Variants in THSD4 observed in about 807,000 individuals in gnomAD.
THSD4 encodes thrombospondin type 1 domain containing 4, also known as thrombospondin type-1 domain-containing protein 4.
THSD4 carries 69 observed loss-of-function variants against 119.0 expected under a neutral mutation model. The ratio of observed to expected loss-of-function variants is 0.58; its 90% CI spans 0.48 to 0.71. The LOEUF (loss-of-function observed/expected upper bound fraction) is 0.71. Ranked by LOEUF, THSD4 falls within the 30% of genes least tolerant of loss-of-function variation. THSD4 has a pLI of 0.00. For missense variants in THSD4, 1,393 were observed against 1,391.1 expected, an observed-to-expected ratio of 1.00 and a Z score of -0.02; for synonymous variants, 524 against 540.4, an observed-to-expected ratio of 0.97 and a Z score of 0.42.
chr15:71,526,209 T>A (rs2048516314), intron 7 of THSD4, among the ~76,000 whole-genome samples: 1 of 152,192 alleles, frequency 6.6e-6, no homozygotes. Flanking sequence ...AATCTCAGTT[T>A]ATGGACTTTA....
At chr15:71,458,121 T>C (rs1430324563) in intron 7 of THSD4, among the ~76,000 whole-genome samples, 1 of 152,266 alleles carries the variant, frequency 6.6e-6, no homozygotes, top group South Asian at 2.1e-4. Flanking sequence ...TATATGTATA[T>C]GCATTGGTTT....
chr15:71,724,287 A>ATATATATATATATATATATTTTTT, intron 8 of THSD4, among the ~76,000 whole-genome samples: 8 of 37,290 alleles, frequency 2.1e-4, no homozygotes, highest in Admixed American at 1.2e-3. Context: ...ATATATATAT[A>ATATATATATATATATATATTTTTT]TTTTTTTTTT....
intron 7 of THSD4, among the ~76,000 whole-genome samples, chr15:71,507,994 A>G (rs1416610315): frequency 6.6e-6 from 1 of 152,238 alleles, no homozygotes; most frequent in Non-Finnish European, 1.5e-5. Flanking sequence ...AAAAAGTACA[A>G]TGATGCAGTA....
intron 7 of THSD4, among the ~76,000 whole-genome samples, chr15:71,635,405 A>G (rs982069336): frequency 3.9e-5 from 6 of 152,120 alleles, no homozygotes; most frequent in African/African-American, 1.4e-4. Context: ...TATTTGAGGC[A>G]CCCTGGAAAA....
intron 8 of THSD4, among the ~76,000 whole-genome samples, chr15:71,728,316 C>G: frequency 6.6e-6 from 1 of 152,154 alleles, no homozygotes; most frequent in East Asian, 1.9e-4. Context: ...CCCTACATTT[C>G]TATACTAAGT....
At chr15:71,230,219 T>G (rs2044049274) in intron 4 of THSD4, among the ~76,000 whole-genome samples, 1 of 152,152 alleles carries the variant, frequency 6.6e-6, no homozygotes, top group Non-Finnish European at 1.5e-5. Context: ...TGGTCTCCTC[T>G]AACCCCCGTA....
chr15:71,339,259 C>G (rs759970471), intron 6 of THSD4, among the ~76,000 whole-genome samples: 1 of 152,000 alleles, frequency 6.6e-6, no homozygotes, highest in Non-Finnish European at 1.5e-5. Flanking sequence ...CTCTGTCTAC[C>G]CAAACTGTTA....
intron 7 of THSD4, among the ~76,000 whole-genome samples, chr15:71,583,545 A>T (rs563698511): frequency 6.6e-6 from 1 of 150,926 alleles, no homozygotes; most frequent in Admixed American, 6.6e-5. Flanking sequence ...AGTCACTATA[A>T]ACTTTCCTCT....
intron 6 of THSD4, among the ~76,000 whole-genome samples, chr15:71,269,186 T>C (rs2044500502): frequency 6.6e-6 from 1 of 152,166 alleles, no homozygotes; most frequent in Non-Finnish European, 1.5e-5. Context: ...TGAACATTGA[T>C]GCGAAAATTC....
At chr15:71,130,225 G>A (rs1251023543) in intron 1 of THSD4, among the ~76,000 whole-genome samples, 1 of 152,100 alleles carries the variant, frequency 6.6e-6, no homozygotes, top group Non-Finnish European at 1.5e-5. Flanking sequence ...TTTCTCTGTT[G>A]ACCAGGCTCG....
At chr15:71,464,088 C>A (rs1456586298) in intron 7 of THSD4, among the ~76,000 whole-genome samples, 2 of 152,196 alleles carry the variant, frequency 1.3e-5, no homozygotes, top group African/African-American at 4.8e-5. Flanking sequence ...GTCCAGCCTT[C>A]TGCATTAGGA....
At chr15:71,577,572 A>AC (rs1189939684) in intron 7 of THSD4, among the ~76,000 whole-genome samples, 1 of 152,160 alleles carries the variant, frequency 6.6e-6, no homozygotes, top group Non-Finnish European at 1.5e-5. Context: ...ACTGTGAAGT[A>AC]CATACTATGA....
chr15:71,487,266 G>A (rs752818016), intron 7 of THSD4, among the ~76,000 whole-genome samples: 8 of 152,366 alleles, frequency 5.3e-5, no homozygotes, highest in African/African-American at 9.6e-5. Flanking sequence ...GTTTGGAGAT[G>A]GAAGGTGGGA....
chr15:71,389,689 A>T (rs2046346020), intron 6 of THSD4, among the ~76,000 whole-genome samples: 1 of 151,560 alleles, frequency 6.6e-6, no homozygotes, highest in Non-Finnish European at 1.5e-5. Context: ...CTATTTTTAA[A>T]TTTTTGAGAA....
At chr15:71,369,070 G>A (rs1009856032) in intron 6 of THSD4, among the ~76,000 whole-genome samples, 4 of 152,154 alleles carry the variant, frequency 2.6e-5, no homozygotes, top group African/African-American at 9.7e-5. Context: ...GTTCACTCAT[G>A]ATTTGGCTCT....
At chr15:71,767,391 A>G (rs568145237) in intron 16 of THSD4, 109 of 152,344 alleles carry the variant, frequency 7.2e-4, no homozygotes, top group African/African-American at 2.5e-3. Flanking sequence ...GTAATTTGAC[A>G]TTCTATCCCT....
In THSD4 at chr15:71,715,503, G is replaced by A. The variant is rs375778610; in HGVS notation, c.1358-13046G>A. ...CATTGAATGGGCTTTGGATTCTACAGTGCTTAGAACAGAAATGGAATTTAG... is the reference window on the plus strand; with the variant it reads ...CATTGAATGGGCTTTGGATTCTACAATGCTTAGAACAGAAATGGAATTTAG... On this transcript the variant is annotated intron_variant, in intron 8 of 17. Transcript: ENST00000261862. Among the ~76,000 whole-genome samples the A allele has an allele frequency of 3.7e-4, 57 of 152,102 alleles. 1 individual carries two copies. In the East Asian group the frequency reaches 0.01, roughly 27 times the overall value.
intron 7 of THSD4, among the ~76,000 whole-genome samples, chr15:71,441,792 G>A (rs1353321106): frequency 6.6e-6 from 1 of 151,936 alleles, no homozygotes; most frequent in Non-Finnish European, 1.5e-5. Context: ...TAACTTTTCT[G>A]AGCCTCATTT....
intron 7 of THSD4, among the ~76,000 whole-genome samples, chr15:71,422,719 A>G (rs2046823888): frequency 6.6e-6 from 1 of 152,212 alleles, no homozygotes; most frequent in South Asian, 2.1e-4. Flanking sequence ...TCAAGGCCCT[A>G]GAGCCTACAA....
Sources: allele counts gnomAD v4.1 joint callset (sites outside exome capture counted in the v4.1 genomes callset), GRCh38; gene constraint gnomAD v4.1.1; transcripts MANE v1.5; gene names NCBI Gene and HGNC (gene_info 2026-07-23, HGNC 2026-07-21).